The following TCF4 variants were observed in gnomAD, a reference collection of about 807,000 sequenced individuals.
TCF4 encodes the protein transcription factor 4, also known as SL3-3 enhancer factor 2.
In TCF4, 3 loss-of-function variants were observed where a neutral mutation model predicts 82.1. That is an observed-to-expected ratio of 0.04 (90% CI 0.02 to 0.09). TCF4 has a LOEUF of 0.09. TCF4 is among the 10% of genes least tolerant of loss of function. The pLI is 1.00. For synonymous variants in TCF4, 276 were observed against 309.6 expected, an observed-to-expected ratio of 0.89 and a Z score of 1.14; for missense variants, 518 against 852.7, an observed-to-expected ratio of 0.61 and a Z score of 4.89.
chr18:55,630,388 T>C lies in TCF4; in HGVS notation c.286+910A>G, dbSNP rs188805946. Among the ~76,000 whole-genome samples, 486 of 152,320 alleles carry C rather than the reference T, an allele frequency of 3.2e-3. 4 individuals are homozygous for C. The highest frequency in any genetic ancestry group is 0.01 in the Middle Eastern group (3 of 294). On this transcript the variant is annotated intron_variant, in intron 2 of 20. Coordinates refer to the TCF4 transcript ENST00000398339. ...GCATACTATTTCAATGGCACTGTGC[T>C]AGACACTGGGAATTCAAAAATAACA...
chr18:55,578,397 T>C (rs1337736930), intron 3 of TCF4, among the ~76,000 whole-genome samples: 1 of 152,114 alleles, frequency 6.6e-6, no homozygotes, highest in South Asian at 2.1e-4. Flanking sequence ...ACCAACTGCA[T>C]GATTTGGGCA....
intron 5 of TCF4, 65 bp downstream of exon 5, chr18:55,460,954 G>GT: frequency 7.0e-7 from 1 of 1,419,642 alleles, no homozygotes; most frequent in Non-Finnish European, 9.9e-7. Flanking sequence ...CTAGGACATG[G>GT]TTTTACCTTC....
intron 17 of TCF4, chr18:55,231,438 G>A (rs1256420172): frequency 1.3e-5 from 2 of 152,188 alleles, no homozygotes; most frequent in Non-Finnish European, 2.9e-5. Context: ...ATAAGTAAAT[G>A]TCATAAGAGT....
At chr18:55,408,594 G>A (rs571155791) in intron 5 of TCF4, among the ~76,000 whole-genome samples, 4 of 152,146 alleles carry the variant, frequency 2.6e-5, no homozygotes, top group African/African-American at 7.2e-5. Context: ...TCCTTATCAT[G>A]TATTAACCAC....
chr18:55,348,193 T>G (rs2081592463), intron 8 of TCF4, among the ~76,000 whole-genome samples: 1 of 152,190 alleles, frequency 6.6e-6, no homozygotes, highest in Non-Finnish European at 1.5e-5. Flanking sequence ...TTACATAAAC[T>G]AAGTTAAATT....
intron 8 of TCF4, among the ~76,000 whole-genome samples, chr18:55,326,116 C>G (rs1459010595): frequency 1.3e-5 from 2 of 152,114 alleles, no homozygotes; most frequent in Admixed American, 6.5e-5. Context: ...TACTAAGACA[C>G]TGGAATCAGG....
At chr18:55,568,537 T>TTA (rs1010439890) in intron 3 of TCF4, among the ~76,000 whole-genome samples, 2 of 151,634 alleles carry the variant, frequency 1.3e-5, no homozygotes, top group African/African-American at 4.8e-5. Context: ...CCATATAAGT[T>TTA]TATATATATA....
At chr18:55,469,849 G>A (rs1467986932) in intron 3 of TCF4, among the ~76,000 whole-genome samples, 2 of 152,154 alleles carry the variant, frequency 1.3e-5, no homozygotes, top group Admixed American at 1.3e-4. Flanking sequence ...AATAGGGCAG[G>A]CTAGTATATT....
At chr18:55,623,508 T>G (rs1039008579) in intron 2 of TCF4, among the ~76,000 whole-genome samples, 3 of 152,230 alleles carry the variant, frequency 2.0e-5, no homozygotes, top group Admixed American at 2.0e-4. Flanking sequence ...GCAATGGAAG[T>G]ATGAATTTTA....
intron 5 of TCF4, chr18:55,404,023 C>G: frequency 4.5e-6 from 5 of 1,118,102 alleles, no homozygotes; most frequent in Non-Finnish European, 5.5e-6. Context: ...TTTAAAAACT[C>G]CCTTTCCCAG....
chr18:55,278,809 T>C (rs113662542), intron 9 of TCF4, among the ~76,000 whole-genome samples: 10,161 of 60,962 alleles, frequency 0.17, 450 homozygotes, highest in African/African-American at 0.31. Flanking sequence ...ACCTTGTGAT[T>C]TGCCTGCCTT....
chr18:55,602,102 C>A (rs994347390), intron 2 of TCF4, among the ~76,000 whole-genome samples: 1 of 152,176 alleles, frequency 6.6e-6, no homozygotes, highest in South Asian at 2.1e-4. Context: ...ATATATAGCA[C>A]TATCACACTT....
At chr18:55,240,346 C>T (rs2050820538) in intron 15 of TCF4, among the ~76,000 whole-genome samples, 1 of 152,120 alleles carries the variant, frequency 6.6e-6, no homozygotes, top group Non-Finnish European at 1.5e-5. Flanking sequence ...TAATTAGAAA[C>T]CCATTGATAC....
intron 5 of TCF4, among the ~76,000 whole-genome samples, chr18:55,412,948 T>C (rs1327315893): frequency 1.3e-5 from 2 of 152,156 alleles, no homozygotes; most frequent in South Asian, 2.1e-4. Flanking sequence ...TTGTTTGTTA[T>C]AGAGTAGTCT....
chr18:55,429,763 T>C (rs1055527856), intron 5 of TCF4, among the ~76,000 whole-genome samples: 35 of 1,866 alleles, frequency 0.019, no homozygotes, highest in African/African-American at 0.047. Flanking sequence ...AGACTCCATC[T>C]CAAAAAAAAA....
At chr18:55,625,954 T>C (rs987453043) in intron 2 of TCF4, among the ~76,000 whole-genome samples, 2 of 152,256 alleles carry the variant, frequency 1.3e-5, no homozygotes, top group Non-Finnish European at 2.9e-5. Flanking sequence ...TGGACTACTT[T>C]ATGACAGAGA....
chr18:55,364,693 G>C (rs1006114286), intron 6 of TCF4, among the ~76,000 whole-genome samples: 6 of 151,848 alleles, frequency 4.0e-5, no homozygotes, highest in Admixed American at 3.9e-4. Context: ...AAGCTGCCAG[G>C]GGAGTCTATC....
intron 3 of TCF4, among the ~76,000 whole-genome samples, chr18:55,498,637 G>A (rs1249503910): frequency 2.0e-5 from 3 of 152,230 alleles, no homozygotes; most frequent in African/African-American, 7.2e-5. Flanking sequence ...AAGAGAAATG[G>A]CTGCTGACTT....
intron 8 of TCF4, among the ~76,000 whole-genome samples, chr18:55,296,347 GCAGAGGAATCCC>G: frequency 6.6e-6 from 1 of 152,294 alleles, no homozygotes; most frequent in South Asian, 2.1e-4. Flanking sequence ...AAAGCCAGAT[GCAGAGGAATCCC>G]AGGATTTAGA....
Sources: allele counts gnomAD v4.1 joint callset (sites outside exome capture counted in the v4.1 genomes callset), GRCh38; gene constraint gnomAD v4.1.1; transcripts MANE v1.5; gene names NCBI Gene and HGNC (gene_info 2026-07-23, HGNC 2026-07-21).